The following CTNNA3 variants were observed in gnomAD, a reference collection of about 807,000 sequenced individuals.
CTNNA3 encodes the protein catenin alpha 3.
A neutral mutation model predicts 95.7 loss-of-function variants in CTNNA3; 76 were observed. The observed-to-expected ratio is 0.79, with a 90% CI of 0.66 to 0.96. The LOEUF is 0.96. Ranked by LOEUF, CTNNA3 falls within the 40% of genes least tolerant of loss-of-function variation. The pLI, the probability that CTNNA3 is intolerant of heterozygous loss-of-function variation, is 0.00. For missense variants in CTNNA3, 1,191 were observed against 1,089.8 expected (o/e 1.09, Z -1.31); for synonymous variants, 431 against 374.4 (o/e 1.15, Z -1.74).
At chr10:67,139,880 T>G (rs1425395560) in intron 7 of CTNNA3, among the ~76,000 whole-genome samples, 1 of 152,212 alleles carries the variant, frequency 6.6e-6, no homozygotes, top group Non-Finnish European at 1.5e-5. Context: ...TTTGTCCCAA[T>G]AGAAAGCTTC....
intron 9 of CTNNA3, among the ~76,000 whole-genome samples, chr10:66,719,449 A>G (rs1848556330): frequency 6.6e-6 from 1 of 152,228 alleles, no homozygotes; most frequent in Non-Finnish European, 1.5e-5. Context: ...TAATTATTTC[A>G]ACAAACTAAT....
At chr10:67,333,655 G>C (rs1841881239) in intron 5 of CTNNA3, among the ~76,000 whole-genome samples, 1 of 152,120 alleles carries the variant, frequency 6.6e-6, no homozygotes, top group Non-Finnish European at 1.5e-5. Flanking sequence ...ATGCTATTTT[G>C]TTGGCTCACT....
At chr10:67,246,069 CA>C (rs1865894018) in intron 5 of CTNNA3, among the ~76,000 whole-genome samples, 1 of 152,092 alleles carries the variant, frequency 6.6e-6, no homozygotes, top group Non-Finnish European at 1.5e-5. Context: ...CTTCTGAACC[CA>C]AAACACAATG....
chr10:65,968,631 AC>A (rs2078028086), intron 16 of CTNNA3, among the ~76,000 whole-genome samples: 1 of 152,110 alleles, frequency 6.6e-6, no homozygotes, highest in Non-Finnish European at 1.5e-5. Context: ...TATTCAAAGT[AC>A]ATGTTTGCTC....
chr10:67,535,711 T>G (rs564827362), intron 4 of CTNNA3, among the ~76,000 whole-genome samples: 1 of 152,246 alleles, frequency 6.6e-6, no homozygotes, highest in South Asian at 2.1e-4. Context: ...GGAAGTTACC[T>G]ACAATCTAGA....
At chr10:67,726,281 A>ATTACATATTATATATTATATTATC (rs1564840984) in intron 1 of CTNNA3, among the ~76,000 whole-genome samples, 2 of 92,876 alleles carry the variant, frequency 2.2e-5, no homozygotes, top group African/African-American at 1.0e-4. Flanking sequence ...TATATATTAT[A>ATTACATATTATATATTATATTATC]TTACATATTA....
At chr10:66,380,172 C>T (rs2421452) in intron 11 of CTNNA3, among the ~76,000 whole-genome samples, 72,638 of 151,458 alleles carry the variant, frequency 0.48, 17,819 homozygotes, top group African/African-American at 0.58. Context: ...TTTTTTTGTC[C>T]CTCTCACTCT....
At chr10:66,444,407 G>T (rs528498302) in intron 11 of CTNNA3, among the ~76,000 whole-genome samples, 2 of 152,042 alleles carry the variant, frequency 1.3e-5, no homozygotes, top group Non-Finnish European at 2.9e-5. Context: ...GGAAAAAATG[G>T]TAAGGGCAGC....
chr10:67,029,627 G>C (rs1466973495), intron 7 of CTNNA3, among the ~76,000 whole-genome samples: 2 of 152,142 alleles, frequency 1.3e-5, no homozygotes, highest in South Asian at 2.1e-4. Context: ...GTTTGGGATG[G>C]CTTTTTCTCA....
At chr10:67,055,544 C>A (rs760485825) in intron 7 of CTNNA3, among the ~76,000 whole-genome samples, 1 of 152,092 alleles carries the variant, frequency 6.6e-6, no homozygotes, top group Non-Finnish European at 1.5e-5. Flanking sequence ...CATTTGCAGG[C>A]TAGAAAGTTA....
chr10:65,936,389 A>T (rs1234473770), intron 17 of CTNNA3, among the ~76,000 whole-genome samples: 2 of 152,072 alleles, frequency 1.3e-5, no homozygotes, highest in African/African-American at 4.8e-5. Context: ...CTTTGTATTA[A>T]CGCTATAAAA....
intron 7 of CTNNA3, among the ~76,000 whole-genome samples, chr10:66,899,777 A>T (rs1845656809): frequency 6.6e-6 from 1 of 152,038 alleles, no homozygotes; most frequent in African/African-American, 2.4e-5. Flanking sequence ...TCAACCTGCC[A>T]GGCTGCAGCC....
chr10:66,296,066 T>C (rs994079337), intron 12 of CTNNA3, among the ~76,000 whole-genome samples: 3 of 151,178 alleles, frequency 2.0e-5, no homozygotes, highest in Non-Finnish European at 4.4e-5. Context: ...AAACCAAGAC[T>C]GATTTTTATT....
At chr10:66,315,507 TGTGTG>T (rs1190928340) in intron 12 of CTNNA3, among the ~76,000 whole-genome samples, 2 of 47,208 alleles carry the variant, frequency 4.2e-5, no homozygotes, top group Admixed American at 4.8e-4. Context: ...TGACTTCTCT[TGTGTG>T]TGTGTGTGTG....
rs1449445180 is a variant in CTNNA3, at chr10:66,037,848, TAG to T, written c.2159+31458_2159+31459del. ...AGTTTTCAGCTGGACTAGGAAAACA[TAG>T]AGTTTTTTTTTCTTTTATACCAACC... On this transcript the variant is annotated intron_variant, in intron 15 of 17. Coordinates refer to ENST00000433211, the MANE Select transcript of CTNNA3 (RefSeq NM_013266.4). Among the ~76,000 whole-genome samples, 3 of 152,176 alleles carry T rather than the reference TAG, an allele frequency of 2.0e-5. No homozygotes were observed. In the East Asian group the frequency reaches 5.8e-4, roughly 29 times the overall value.
intron 11 of CTNNA3, among the ~76,000 whole-genome samples, chr10:66,463,132 A>G (rs553923729): frequency 6.6e-6 from 1 of 152,276 alleles, no homozygotes; most frequent in Admixed American, 6.5e-5. Context: ...TTAGCTATTT[A>G]TCCACTGAAA....
chr10:66,296,029 T>A (rs1425703629), intron 12 of CTNNA3, among the ~76,000 whole-genome samples: 1 of 152,198 alleles, frequency 6.6e-6, no homozygotes, highest in Non-Finnish European at 1.5e-5. Flanking sequence ...TTAAGGTATA[T>A]CTATGTTGAA....
intron 11 of CTNNA3, among the ~76,000 whole-genome samples, chr10:66,419,107 C>G (rs1176936882): frequency 6.6e-6 from 1 of 152,020 alleles, no homozygotes; most frequent in African/African-American, 2.4e-5. Context: ...TGACATGATA[C>G]TCATATTTAG....
At chr10:66,555,307 C>T (rs1842356527) in intron 10 of CTNNA3, among the ~76,000 whole-genome samples, 3 of 152,098 alleles carry the variant, frequency 2.0e-5, no homozygotes, top group Admixed American at 6.6e-5. Flanking sequence ...TGTTCATCCT[C>T]TCAACTGCTT....
Sources: gnomAD v4.1 joint callset for allele counts (sites outside exome capture counted in the v4.1 genomes callset) on GRCh38, gnomAD v4.1.1 for gene constraint, MANE v1.5 for transcripts, NCBI Gene and HGNC (gene_info 2026-07-23, HGNC 2026-07-21) for gene names.